Variants in NECTIN1 observed in about 807,000 individuals in gnomAD.
The protein encoded by NECTIN1 is nectin-1.
Under a neutral mutation model 48.0 loss-of-function variants are expected in NECTIN1, and 23 were observed. The observed-to-expected ratio is 0.48, with a 90% CI of 0.34 to 0.68. NECTIN1 has a LOEUF of 0.68. Among genes scored for constraint, NECTIN1 ranks in the 30% least tolerant of loss-of-function variants. NECTIN1 has a pLI of 0.01. For missense variants in NECTIN1, 591 were observed against 709.9 expected, an observed-to-expected ratio of 0.83 and a Z score of 1.90; for synonymous variants, 270 against 288.9, an observed-to-expected ratio of 0.93 and a Z score of 0.66.
intron 1 of NECTIN1, among the ~76,000 whole-genome samples, chr11:119,720,943 T>G (rs1865818796): frequency 6.6e-6 from 1 of 152,136 alleles, no homozygotes; most frequent in South Asian, 2.1e-4. Context: ...CTTTCAGCCA[T>G]CGGTGAAACT....
chr11:119,691,742 C>T (rs763589815), intron 1 of NECTIN1, among the ~76,000 whole-genome samples: 25 of 152,164 alleles, frequency 1.6e-4, no homozygotes, highest in Non-Finnish European at 3.5e-4. Flanking sequence ...GTAAATGGGC[C>T]GGAGCACATC....
rs187637940 is a variant in NECTIN1, at chr11:119,638,134, C to T, written c.1341G>A (p.Ser447=). The change falls in exon 8 of 8, where the codon TCG becomes TCA. Residue 447 remains serine, a synonymous_variant. Transcript: ENST00000341398. ...CTCCTCGAGGTTCGGTTGTCCTTAC[C>T]GAGGGGTGGTAGGAGGGGGAGACCC... 80 of 1,613,676 alleles carry T rather than the reference C, an allele frequency of 5.0e-5. No homozygotes were observed. The East Asian group carries it at 8.0e-4, about 16-fold the overall frequency.
chr11:119,644,044 G>T (rs1432968080), intron 5 of NECTIN1, among the ~76,000 whole-genome samples: 1 of 152,226 alleles, frequency 6.6e-6, no homozygotes, highest in Non-Finnish European at 1.5e-5. Context: ...AGTCATCAGG[G>T]CCTGGGCTCC....
In NECTIN1 at chr11:119,664,828, G is replaced by A. The variant is rs1565382648; in HGVS notation, c.1473C>T (p.Asp491=). Residue 491 remains aspartate (D), a synonymous_variant, in exon 6 of 6, where the codon GAC becomes GAT. Coordinates refer to ENST00000264025, the MANE Select transcript of NECTIN1 (RefSeq NM_002855.5). ...TCTCAGCCAAGTCCAGCTGCTCAGG[G>A]TCGTACTGGTAGCCCAGAGTCCGGT... ...YGDRTLGYQY[D]PEQLDLAENM... is the part of the protein sequence containing the mutation. The A allele has an allele frequency of 3.1e-6, 5 of 1,613,798 alleles. No homozygotes were observed. Among genetic ancestry groups the A allele is most frequent in the Admixed American group, 1.7e-5 (1 of 59,976 alleles).
intron 1 of NECTIN1, among the ~76,000 whole-genome samples, chr11:119,680,562 C>A (rs1865042798): frequency 6.6e-6 from 1 of 152,350 alleles, no homozygotes; most frequent in South Asian, 2.1e-4. Context: ...CAGTAAGTTG[C>A]TCCCCTCTCT....
chr11:119,722,755 C>G (rs980489303), intron 1 of NECTIN1, among the ~76,000 whole-genome samples: 4 of 152,224 alleles, frequency 2.6e-5, no homozygotes, highest in African/African-American at 7.2e-5. Flanking sequence ...AGTGCGCAGG[C>G]AGCTGAGTGG....
downstream of NECTIN1, among the ~76,000 whole-genome samples, chr11:119,656,849 T>G (rs1190730931): frequency 2.0e-5 from 3 of 152,092 alleles, no homozygotes; most frequent in Non-Finnish European, 4.4e-5. Context: ...CACATTCACT[T>G]CTCCTAGGTT....
chr11:119,716,737 C>T (rs1865747856), intron 1 of NECTIN1, among the ~76,000 whole-genome samples: 1 of 152,238 alleles, frequency 6.6e-6, no homozygotes, highest in Admixed American at 6.5e-5. Context: ...TCCTTCTCCA[C>T]CCACCCTTAG....
At position 119,665,900 on chromosome 11, in the gene NECTIN1, C is replaced by T. The variant is rs1864760978; in HGVS notation, c.1004-603G>A. On this transcript the variant is annotated intron_variant, in intron 5 of 5. Coordinates refer to ENST00000264025, the MANE Select transcript of NECTIN1 (RefSeq NM_002855.5). This position sits in a 1 kb window ranked among gnomAD's most constrained non-coding sequence, Gnocchi z 5.1. ...CAGAACCAGGAGCCACCTAGGTGTT[C>T]TGCACCTGATTTTGTCTGCCTGCAG... Among the ~76,000 whole-genome samples, 2 of 152,202 alleles carry T rather than the reference C, an allele frequency of 1.3e-5. No homozygotes were observed. The highest frequency in any genetic ancestry group is 6.5e-5 in the Admixed American group (1 of 15,294).
rs1258896739 is a variant in NECTIN1 at position 119,705,840 on chromosome 11, G to A, written c.79+22635C>T. Among the ~76,000 whole-genome samples the A allele has an allele frequency of 5.9e-5, 9 of 152,292 alleles. No homozygotes were observed. The East Asian group carries it at 1.7e-3, about 29-fold the overall frequency. On this transcript the variant is annotated intron_variant, in intron 1 of 5. Coordinates refer to ENST00000264025, the MANE Select transcript of NECTIN1 (RefSeq NM_002855.5). ...AGCCCCAAGGCCAGAGGCGGGGCAG[G>A]GGCTGCATCAAGGTCTACGGAGCCC...
Position 119,666,594 on chromosome 11 carries a change from G to A in NECTIN1, c.1004-1297C>T, listed in dbSNP as rs150719528. ...GGCACCAGAGACCACAGCTGGCCTCGGTCAGAGCCACTAGGCTGCGGGTCT... is the reference window on the plus strand; with the variant it reads ...GGCACCAGAGACCACAGCTGGCCTCAGTCAGAGCCACTAGGCTGCGGGTCT... On this transcript the variant is annotated intron_variant, in intron 5 of 5. Transcript: ENST00000264025. Among the ~76,000 whole-genome samples, 318 of 152,362 alleles carry A rather than the reference G, an allele frequency of 2.1e-3. 4 individuals carry two copies. The highest frequency in any genetic ancestry group is 7.2e-3 in the African/African-American group (299 of 41,590).
intron 4 of NECTIN1, chr11:119,676,701 T>G: frequency 3.3e-6 from 1 of 300,710 alleles, no homozygotes; most frequent in Non-Finnish European, 6.5e-6. Context: ...AGAGAAGGAA[T>G]AGGGACAAAG....
intron 5 of NECTIN1, among the ~76,000 whole-genome samples, chr11:119,666,018 TCTTGGCTGTGGTC>T (rs1864763257): frequency 6.6e-6 from 1 of 152,156 alleles, no homozygotes; most frequent in Admixed American, 6.5e-5. Context: ...GGGCTGTGGT[TCTTGGCTGTGGTC>T]TGGGCCTGCA....
intron 5 of NECTIN1, chr11:119,641,452 C>G (rs532947303): frequency 3.9e-5 from 6 of 152,378 alleles, no homozygotes; most frequent in Non-Finnish European, 7.3e-5. Context: ...CTTTCACGAC[C>G]TGGTTCCTGG....
At position 119,663,191 on chromosome 11, in the gene NECTIN1, C is replaced by T. The variant is rs1012074552; in HGVS notation, c.*1556G>A. ...ATCCCAGTGGGCAGGCATGAAGGGC[C>T]GCGAAGCCTGCCTCTCCATCCCAGG... On this transcript the variant is annotated 3_prime_UTR_variant, in exon 6 of 6. Coordinates refer to ENST00000264025, the MANE Select transcript of NECTIN1 (RefSeq NM_002855.5). 7.1e-6 allele frequency: 7 copies of T among 985,448 alleles called. No individual in the cohort carries two copies. Among genetic ancestry groups the T allele is most frequent in the South Asian group, 4.7e-5 (1 of 21,290 alleles). 61.0% of individuals were successfully genotyped at this position (985,448 alleles called of 1,614,324 possible).
chr11:119,699,418 C>T (rs11825206), intron 1 of NECTIN1, among the ~76,000 whole-genome samples: 90,279 of 151,976 alleles, frequency 0.59, 27,157 homozygotes, highest in South Asian at 0.66. Context: ...CCTCTCTCTG[C>T]GTCCTTCTCC....
chr11:119,677,276 A>G lies in NECTIN1; in HGVS notation c.734-57T>C. Reference sequence around the variant, plus strand: ...GGTCAGGAGAGCGGGACTTAGAACAAGGGAACTTCAGCCAGGAAGGGATGG... The same window carrying G: ...GGTCAGGAGAGCGGGACTTAGAACAGGGGAACTTCAGCCAGGAAGGGATGG... On this transcript the variant is annotated intron_variant, in intron 3 of 5. Coordinates refer to ENST00000264025, the MANE Select transcript of NECTIN1 (RefSeq NM_002855.5). This position sits in a 1 kb window ranked among gnomAD's most constrained non-coding sequence, Gnocchi z 5.4. The G allele has an allele frequency of 6.9e-7, 1 of 1,446,736 alleles. No homozygotes were observed. Among genetic ancestry groups the G allele is most frequent in the Non-Finnish European group, 9.7e-7 (1 of 1,028,820 alleles). The allele number at this position is 1,446,736 out of a possible 1,614,324, so 89.6% of individuals were successfully genotyped here.
At chr11:119,645,334 G>A (rs909314527) in intron 5 of NECTIN1, among the ~76,000 whole-genome samples, 2 of 152,134 alleles carry the variant, frequency 1.3e-5, no homozygotes, top group Admixed American at 6.5e-5. Flanking sequence ...TCCTGTGTTC[G>A]GAAGGTCTGG....
At chr11:119,716,260 GGC>G (rs1865741522) in intron 1 of NECTIN1, among the ~76,000 whole-genome samples, 1 of 152,092 alleles carries the variant, frequency 6.6e-6, no homozygotes, top group African/African-American at 2.4e-5. Context: ...AGCGTTCTGG[GGC>G]ACACACAGCC....
Sources: gnomAD v4.1 joint callset for allele counts (sites outside exome capture counted in the v4.1 genomes callset) on GRCh38, gnomAD v4.1.1 for gene constraint, Gnocchi (gnomAD v3.1) non-coding constraint, MANE v1.5 for transcripts, NCBI Gene and HGNC (gene_info 2026-07-23, HGNC 2026-07-21) for gene names.